The following DCC variants were observed in gnomAD, a reference collection of about 807,000 sequenced individuals.
The protein encoded by DCC is netrin receptor DCC.
A neutral mutation model predicts 172.5 loss-of-function variants in DCC; 58 were observed. The ratio of observed to expected loss-of-function variants is 0.34; its 90% CI spans 0.27 to 0.42. DCC has a LOEUF of 0.42. Ranked by LOEUF, DCC falls within the 10% of genes least tolerant of loss-of-function variation. The probability of loss-of-function intolerance (pLI) is 1.00; values close to 1 mark genes in which losing one functional copy is unlikely to be tolerated. For missense variants in DCC, 1,740 were observed against 1,791.0 expected (o/e 0.97, Z 0.51); for synonymous variants, 709 against 644.5 (o/e 1.10, Z -1.52).
chr18:53,466,833 C>T (rs747138028), intron 24 of DCC, among the ~76,000 whole-genome samples: 56 of 152,208 alleles, frequency 3.7e-4, no homozygotes, highest in Middle Eastern at 3.4e-3. Context: ...GCCAGGTTTG[C>T]GTAGTTTACT....
At chr18:53,053,146 C>T (rs956727469) in intron 5 of DCC, among the ~76,000 whole-genome samples, 9 of 151,944 alleles carry the variant, frequency 5.9e-5, no homozygotes, top group African/African-American at 1.9e-4. Flanking sequence ...CCATCTCAAA[C>T]AAAATCAAAA....
chr18:52,600,746 G>C (rs566570699), intron 1 of DCC, among the ~76,000 whole-genome samples: 1 of 152,046 alleles, frequency 6.6e-6, no homozygotes, highest in African/African-American at 2.4e-5. Flanking sequence ...TTTTTAACTA[G>C]GCCACTTGTT....
In DCC at chr18:52,413,585, A is replaced by G. The variant is rs186629661; in HGVS notation, c.91+72707A>G. Reference sequence around the variant, plus strand: ...AGCAATTATTTTTAACCCTATTAACATATGTTCTGATAGTTATTATTTTAT... The same window carrying G: ...AGCAATTATTTTTAACCCTATTAACGTATGTTCTGATAGTTATTATTTTAT... On this transcript the variant is annotated intron_variant, in intron 1 of 28. Transcript: ENST00000442544. 2.2e-3 allele frequency among the ~76,000 whole-genome samples: 184 copies of G among 82,182 alleles called. 4 individuals are homozygous for G. Among genetic ancestry groups the G allele is most frequent in the African/African-American group, 9.3e-3 (169 of 18,214 alleles). 53.9% of individuals were successfully genotyped at this position (82,182 alleles called of 152,430 possible).
chr18:52,949,235 G>C (rs149798292), intron 5 of DCC, among the ~76,000 whole-genome samples: 1 of 152,190 alleles, frequency 6.6e-6, no homozygotes, highest in Non-Finnish European at 1.5e-5. Context: ...TGAGACTGCT[G>C]TAACAATTTG....
Position 53,357,424 on chromosome 18 carries a change from G to A in DCC, c.2359+17517G>A, listed in dbSNP as rs937201503. ...CCCATCAAAAAATCCCTTCATGCAT[G>A]GAATACAGAAGTTTTAAGTTTATGA... is the stretch of plus-strand genomic sequence containing the variant. On this transcript the variant is annotated intron_variant, in intron 15 of 28. Transcript: ENST00000442544. 5.3e-5 allele frequency among the ~76,000 whole-genome samples: 8 copies of A among 151,964 alleles called. No homozygotes were observed. In the East Asian group the frequency reaches 1.5e-3, roughly 29 times the overall value.
intron 8 of DCC, among the ~76,000 whole-genome samples, chr18:53,159,540 C>G (rs981181445): frequency 6.6e-6 from 1 of 152,152 alleles, no homozygotes; most frequent in African/African-American, 2.4e-5. Context: ...TTTGATCACT[C>G]ACTCCACTGC....
rs2037401209 is a variant in DCC at position 52,774,817 on chromosome 18, T to C, written c.412+22443T>C. ...CTGCGGCTGTCGAGGTGAAGGCATA[T>C]ATGACACCTCTAGGAATAGTTAGTG... On this transcript the variant is annotated intron_variant, in intron 2 of 28. Coordinates refer to ENST00000442544, the MANE Select transcript of DCC (RefSeq NM_005215.4). Among the ~76,000 whole-genome samples, 3 of 152,156 alleles carry C rather than the reference T, an allele frequency of 2.0e-5. No homozygotes were observed. In the South Asian group the frequency reaches 6.2e-4, roughly 32 times the overall value.
chr18:53,234,465 G>A (rs1429087084), intron 12 of DCC, among the ~76,000 whole-genome samples: 2 of 151,596 alleles, frequency 1.3e-5, no homozygotes, highest in East Asian at 3.9e-4. Context: ...ATAAAATATT[G>A]GCCAGTCAGG....
intron 2 of DCC, among the ~76,000 whole-genome samples, chr18:52,797,969 G>A (rs1162664872): frequency 6.6e-6 from 1 of 152,064 alleles, no homozygotes; most frequent in Admixed American, 6.5e-5. Context: ...GGTGGTGGGT[G>A]CACTGGACCT....
intron 15 of DCC, among the ~76,000 whole-genome samples, chr18:53,378,873 A>T (rs1326601939): frequency 1.3e-5 from 2 of 150,340 alleles, no homozygotes; most frequent in Non-Finnish European, 3.0e-5. Context: ...TTTGGACAGT[A>T]TTTCTAGAAA....
chr18:52,391,340 T>C (rs1235143374), intron 1 of DCC, among the ~76,000 whole-genome samples: 5 of 152,100 alleles, frequency 3.3e-5, no homozygotes, highest in Non-Finnish European at 7.4e-5. Flanking sequence ...CTGTGTGTTT[T>C]TTAAGCCAAC....
At chr18:52,520,231 A>T (rs539577490) in intron 1 of DCC, among the ~76,000 whole-genome samples, 33 of 152,308 alleles carry the variant, frequency 2.2e-4, no homozygotes, top group African/African-American at 7.5e-4. Context: ...TAGTGCTGAG[A>T]AGTGACTTCT....
At chr18:52,777,021 T>G (rs1313924926) in intron 2 of DCC, among the ~76,000 whole-genome samples, 2 of 152,070 alleles carry the variant, frequency 1.3e-5, no homozygotes, top group African/African-American at 4.8e-5. Context: ...TTGTGTGTGT[T>G]TTGATTTTGT....
At chr18:52,824,221 G>A (rs1176778566) in intron 2 of DCC, among the ~76,000 whole-genome samples, 2 of 152,146 alleles carry the variant, frequency 1.3e-5, no homozygotes, top group Non-Finnish European at 2.9e-5. Flanking sequence ...CTTCAACTTA[G>A]TTCCAGTAGA....
intron 5 of DCC, 126 bp from the exon 6 acceptor site, chr18:53,063,179 A>AGG: frequency 1.1e-6 from 1 of 940,334 alleles, no homozygotes; most frequent in Admixed American, 1.7e-5. Context: ...CTAAGAGCTT[A>AGG]GGGAATGATT....
At chr18:53,102,305 AAAGT>A (rs2043185023) in intron 7 of DCC, among the ~76,000 whole-genome samples, 1 of 152,110 alleles carries the variant, frequency 6.6e-6, no homozygotes, top group African/African-American at 2.4e-5. Context: ...CTATTTTTAA[AAAGT>A]AAGTTGTTTC....
intron 7 of DCC, among the ~76,000 whole-genome samples, chr18:53,150,236 T>G (rs915113660): frequency 6.6e-6 from 1 of 152,220 alleles, no homozygotes; most frequent in Non-Finnish European, 1.5e-5. Flanking sequence ...GTAATTTATC[T>G]GCAAATTAAT....
At chr18:53,215,526 C>G in intron 11 of DCC, 22 bp from the exon 12 acceptor site, 1 of 1,609,486 alleles carries the variant, frequency 6.2e-7, no homozygotes, top group Non-Finnish European at 8.5e-7. Context: ...GTAACTGTGA[C>G]AATTTGTTTG....
chr18:53,463,250 A>G (rs1222336356), intron 24 of DCC, among the ~76,000 whole-genome samples: 1 of 152,170 alleles, frequency 6.6e-6, no homozygotes, highest in Non-Finnish European at 1.5e-5. Context: ...ATATACTGAG[A>G]TGACATTAAG....
Sources: gnomAD v4.1 joint callset for allele counts (sites outside exome capture counted in the v4.1 genomes callset) on GRCh38, gnomAD v4.1.1 for gene constraint, MANE v1.5 for transcripts, NCBI Gene and HGNC (gene_info 2026-07-23, HGNC 2026-07-21) for gene names.